ZIM2: variants seen among roughly 807,000 people sequenced by gnomAD.
ZIM2 encodes zinc finger protein 656.
ZIM2 carries 14 observed loss-of-function variants against 38.6 expected under a neutral mutation model. The observed-to-expected ratio is 0.36, with a 90% CI of 0.24 to 0.57. The LOEUF is 0.57. ZIM2 is among the 20% of genes least tolerant of loss of function. The probability of loss-of-function intolerance (pLI) is 0.81; values close to 1 mark genes in which losing one functional copy is unlikely to be tolerated. For missense variants in ZIM2, 680 were observed against 695.1 expected, an observed-to-expected ratio of 0.98 and a Z score of 0.24; for synonymous variants, 247 against 245.8, an observed-to-expected ratio of 1.00 and a Z score of -0.04.
At position 56,814,404 on chromosome 19, in the gene ZIM2, G is replaced by A. The variant is rs779210073; in HGVS notation, c.490+3342C>T. ...GATGAAGCTCCTTATGTTTAGTGAG[G>A]ACTGTGCTATGAATAAAGGACTTAC... is the stretch of plus-strand genomic sequence containing the variant. On this transcript the variant is annotated intron_variant, in intron 9 of 12. Transcript: ENST00000629319. The surrounding 1 kb of genome is among the most constrained non-coding windows in gnomAD (Gnocchi z 5.8). The A allele has an allele frequency of 6.2e-7, 1 of 1,613,880 alleles. No homozygotes were observed. Among genetic ancestry groups the A allele is most frequent in the Non-Finnish European group, 8.5e-7 (1 of 1,179,896 alleles).
intron 2 of ZIM2, among the ~76,000 whole-genome samples, chr19:56,832,916 T>C (rs2061709658): frequency 6.6e-6 from 1 of 152,252 alleles, no homozygotes; most frequent in Non-Finnish European, 1.5e-5. Context: ...TATGACACTT[T>C]ACTTCTATTC....
At chr19:56,839,985 C>G (rs1208052360) in intron 1 of ZIM2, among the ~76,000 whole-genome samples, 3 of 152,230 alleles carry the variant, frequency 2.0e-5, no homozygotes, top group Admixed American at 1.3e-4. Context: ...CCCCTACAGG[C>G]AGGACAGCCC....
At chr19:56,810,251 T>C (rs556380335) in intron 9 of ZIM2, 52 of 983,492 alleles carry the variant, frequency 5.3e-5, no homozygotes, top group Non-Finnish European at 6.2e-5. Flanking sequence ...TCTACATTTC[T>C]GTAACTTCAA....
rs1291356156 is a variant in ZIM2, at chr19:56,824,376, A to G, written c.-99T>C. 4 of 1,614,004 alleles carry G rather than the reference A, an allele frequency of 2.5e-6. No individual in the cohort carries two copies. The highest frequency in any genetic ancestry group is 1.3e-5 in the African/African-American group (1 of 74,922). On this transcript the variant is annotated 5_prime_UTR_variant, in exon 4 of 13. Coordinates refer to ENST00000629319, the MANE Select transcript of ZIM2 (RefSeq NM_001387356.1). ...AGCTTTTCAGGGATGATGGTCAGGTACTGCTCAAGGACCAAGAGCTCGATG... is the reference window on the plus strand; with the variant it reads ...AGCTTTTCAGGGATGATGGTCAGGTGCTGCTCAAGGACCAAGAGCTCGATG...
chr19:56,799,937 G>A (rs1217977008), intron 9 of ZIM2, among the ~76,000 whole-genome samples: 1 of 152,184 alleles, frequency 6.6e-6, no homozygotes, highest in Non-Finnish European at 1.5e-5. Context: ...GTTACACAAC[G>A]AATGCATGCT....
At chr19:56,786,318 C>T (rs1414476368) in intron 10 of ZIM2, among the ~76,000 whole-genome samples, 1 of 152,056 alleles carries the variant, frequency 6.6e-6, no homozygotes, top group Non-Finnish European at 1.5e-5. Flanking sequence ...AGGAAAAGGC[C>T]CTTTTCAATT....
chr19:56,827,347 A>G (rs547289648), intron 2 of ZIM2, among the ~76,000 whole-genome samples: 2 of 152,318 alleles, frequency 1.3e-5, no homozygotes, highest in South Asian at 4.1e-4. Flanking sequence ...TGACCAGGCC[A>G]ATAGAACTTG....
At chr19:56,789,740 G>C in intron 10 of ZIM2, 132 bp downstream of exon 10, 1 of 755,272 alleles carries the variant, frequency 1.3e-6, no homozygotes, top group Non-Finnish European at 1.9e-6. Context: ...CAGAAAAAAG[G>C]CTCAGTAAAG....
chr19:56,783,723 T>A (rs944146101), intron 10 of ZIM2, among the ~76,000 whole-genome samples: 4 of 152,120 alleles, frequency 2.6e-5, no homozygotes, highest in African/African-American at 7.2e-5. Context: ...ATTTATTGGG[T>A]ACTATGCTTA....
chr19:56,814,826 T>C lies in ZIM2; in HGVS notation c.490+2920A>G, dbSNP rs774553860. The C allele has an allele frequency of 3.7e-6, 6 of 1,614,078 alleles. No individual in the cohort carries two copies. Among genetic ancestry groups the C allele is most frequent in the East Asian group, 4.5e-5 (2 of 44,892 alleles). ...GCAGCACGATTCCTCCGTGGCTTCA[T>C]GGGCAAGAGGGCAATAAAACCATCA... On this transcript the variant is annotated intron_variant, in intron 9 of 12. Transcript: ENST00000629319. The surrounding 1 kb of genome is among the most constrained non-coding windows in gnomAD (Gnocchi z 5.8).
In ZIM2 at chr19:56,812,088, T is replaced by C. The variant is rs1027164692; in HGVS notation, c.490+5658A>G. 13 of 950,222 alleles carry C rather than the reference T, an allele frequency of 1.4e-5. No homozygotes were observed. In the African/African-American group the frequency reaches 2.7e-4, roughly 20 times the overall value. The allele number at this position is 950,222 out of a possible 1,614,324, so 58.9% of individuals were successfully genotyped here. Reference sequence around the variant, plus strand: ...GGTACTTTAATTTTGCTTGTTCAAATGATCTACACTTACATTTTGCAAATC... The same window carrying C: ...GGTACTTTAATTTTGCTTGTTCAAACGATCTACACTTACATTTTGCAAATC... On this transcript the variant is annotated intron_variant, in intron 9 of 12. Transcript: ENST00000629319.
chr19:56,780,241 TTTTC>T (rs1433441553), intron 11 of ZIM2, among the ~76,000 whole-genome samples: 4 of 132,356 alleles, frequency 3.0e-5, no homozygotes, highest in Non-Finnish European at 6.2e-5. Context: ...TTATTTTCTT[TTTTC>T]TTTTTTTTTT....
At chr19:56,778,486 A>G (rs1478349445) in intron 12 of ZIM2, among the ~76,000 whole-genome samples, 1 of 152,204 alleles carries the variant, frequency 6.6e-6, no homozygotes, top group Admixed American at 6.5e-5. Context: ...AACAATGAAA[A>G]ATCAGGAGAG....
intron 3 of ZIM2, chr19:56,824,859 G>A: frequency 1.8e-6 from 1 of 554,202 alleles, no homozygotes; most frequent in South Asian, 2.6e-5. Flanking sequence ...CCAGTAAATA[G>A]GCAAACAACC....
At chr19:56,790,108 C>G (rs2046850878) in intron 9 of ZIM2, 157 bp from the exon 10 acceptor site, 1 of 480,054 alleles carries the variant, frequency 2.1e-6, no homozygotes, top group South Asian at 8.9e-5. Flanking sequence ...TTTCTCAACT[C>G]AAAATAACAA....
chr19:56,782,167 A>G (rs370662342), intron 10 of ZIM2, 46 bp from the exon 11 acceptor site: 55 of 1,592,360 alleles, frequency 3.5e-5, no homozygotes, highest in Non-Finnish European at 4.6e-5. Flanking sequence ...AGGACTGAAC[A>G]TGATGCAGGC....
Position 56,814,379 on chromosome 19 carries a change from G to C in ZIM2, c.490+3367C>G. On this transcript the variant is annotated intron_variant, in intron 9 of 12. Coordinates refer to ENST00000629319, the MANE Select transcript of ZIM2 (RefSeq NM_001387356.1). This position sits in a 1 kb window ranked among gnomAD's most constrained non-coding sequence, Gnocchi z 5.8. The stretch of plus-strand genomic sequence containing the variant: ...GCTTCATCTTCTTCTTCTTCTTCCA[G>C]ATGAAGCTCCTTATGTTTAGTGAGG... 6.2e-7 allele frequency: 1 copy of C among 1,611,970 alleles called. No homozygotes were observed.
intron 9 of ZIM2, chr19:56,810,514 T>C (rs1395953498): frequency 1.0e-6 from 1 of 984,628 alleles, no homozygotes; most frequent in Non-Finnish European, 1.2e-6. Context: ...TTGTTGGGTG[T>C]TGGGAATATG....
chr19:56,832,986 G>C (rs2061720098), intron 2 of ZIM2, among the ~76,000 whole-genome samples: 1 of 152,140 alleles, frequency 6.6e-6, no homozygotes, highest in South Asian at 2.1e-4. Flanking sequence ...ACATAATAAA[G>C]ATGAAACTCA....
Sources: allele counts gnomAD v4.1 joint callset (sites outside exome capture counted in the v4.1 genomes callset), GRCh38; gene constraint gnomAD v4.1.1; non-coding constraint Gnocchi (gnomAD v3.1); transcripts MANE v1.5; gene names NCBI Gene and HGNC (gene_info 2026-07-23, HGNC 2026-07-21).